The following RBBP4 variants were observed in gnomAD, a reference collection of about 807,000 sequenced individuals.
RBBP4 encodes the protein RB binding protein 4, chromatin remodeling factor.
Under a neutral mutation model 57.2 loss-of-function variants are expected in RBBP4, and 3 were observed. The observed-to-expected ratio is 0.05, with a 90% CI of 0.02 to 0.14. RBBP4 has a LOEUF of 0.14. Among genes scored for constraint, RBBP4 ranks in the 10% least tolerant of loss-of-function variants. The pLI, the probability that RBBP4 is intolerant of heterozygous loss-of-function variation, is 1.00. For missense variants in RBBP4, 107 were observed against 520.6 expected, an observed-to-expected ratio of 0.21 and a Z score of 7.73; for synonymous variants, 151 against 171.5, an observed-to-expected ratio of 0.88 and a Z score of 0.93.
intron 11 of RBBP4, among the ~76,000 whole-genome samples, chr1:32,679,078 C>A (rs1049200072): frequency 6.6e-6 from 1 of 152,128 alleles, no homozygotes; most frequent in Non-Finnish European, 1.5e-5. Flanking sequence ...GGGCAGATCA[C>A]CTGAGATCAG....
intron 3 of RBBP4, among the ~76,000 whole-genome samples, chr1:32,659,827 A>C (rs1570842229): frequency 6.6e-6 from 1 of 152,154 alleles, no homozygotes; most frequent in Admixed American, 6.5e-5. Flanking sequence ...ATAATTAACT[A>C]TTCCTTACTG....
intron 2 of RBBP4, chr1:32,652,351 A>T (rs1647810859): frequency 3.6e-6 from 1 of 277,428 alleles, no homozygotes; most frequent in Middle Eastern, 1.2e-3. Flanking sequence ...AAAACTTGTC[A>T]ACTTTCAAAA....
intron 2 of RBBP4, among the ~76,000 whole-genome samples, chr1:32,655,488 T>C (rs1398217241): frequency 6.6e-6 from 1 of 152,198 alleles, no homozygotes; most frequent in Non-Finnish European, 1.5e-5. Flanking sequence ...GTAATTCCAA[T>C]TTTCTGTTCA....
At chr1:32,656,021 T>C (rs763725270) in intron 2 of RBBP4, among the ~76,000 whole-genome samples, 3 of 152,214 alleles carry the variant, frequency 2.0e-5, no homozygotes, top group Non-Finnish European at 4.4e-5. Flanking sequence ...TGACCCAGTA[T>C]GGAGTACAGA....
chr1:32,666,139 T>C (rs1240213398), intron 3 of RBBP4, among the ~76,000 whole-genome samples: 2 of 152,176 alleles, frequency 1.3e-5, no homozygotes, highest in Non-Finnish European at 2.9e-5. Flanking sequence ...AACTGGCTGC[T>C]GTGGCTCTGT....
Position 32,681,999 on chromosome 1 carries a change from C to A in RBBP4, c.*2294C>A. ...TCCCCTAGCAAATATTTGGATGCCT[C>A]CTGTTTGTCAAATAGAATGAATGGT... On this transcript the variant is annotated 3_prime_UTR_variant, in exon 12 of 12. Coordinates refer to ENST00000373493, the MANE Select transcript of RBBP4 (RefSeq NM_005610.3). The A allele has an allele frequency of 1.4e-6, 1 of 712,010 alleles. No homozygotes were observed. Among genetic ancestry groups the A allele is most frequent in the Non-Finnish European group, 2.4e-6 (1 of 413,458 alleles). The allele number at this position is 712,010 out of a possible 1,614,324, so 44.1% of individuals were successfully genotyped here.
chr1:32,680,357 GTTTTTTTTT>G lies in RBBP4; in HGVS notation c.*663_*671del. On this transcript the variant is annotated 3_prime_UTR_variant, in exon 12 of 12. Coordinates refer to ENST00000373493, the MANE Select transcript of RBBP4 (RefSeq NM_005610.3). ...AATGGTGTTTTTTTTTTTGTTGTTG[GTTTTTTTTT>G]TTTTTTTTTTAACTTGGGACCACCA... 1.0e-6 allele frequency: 1 copy of G among 988,194 alleles called. No individual in the cohort carries two copies. 61.2% of individuals were successfully genotyped at this position (988,194 alleles called of 1,614,324 possible).
chr1:32,655,730 CTGT>C (rs1256292046), intron 2 of RBBP4, among the ~76,000 whole-genome samples: 1 of 152,154 alleles, frequency 6.6e-6, no homozygotes, highest in African/African-American at 2.4e-5. Context: ...ACTTTCTCTC[CTGT>C]TGTTCCTATT....
At position 32,669,594 on chromosome 1, in the gene RBBP4, G is replaced by A; in HGVS notation, c.966+31G>A. ...AGAAACTAATGCTACTATTTTGTTTGTTTTAAGAAAAACCTGCTGGGCGCG... is the reference window on the plus strand; with the variant it reads ...AGAAACTAATGCTACTATTTTGTTTATTTTAAGAAAAACCTGCTGGGCGCG... On this transcript the variant is annotated intron_variant, in intron 8 of 11. Coordinates refer to ENST00000373493, the MANE Select transcript of RBBP4 (RefSeq NM_005610.3). This position sits in a 1 kb window ranked among gnomAD's most constrained non-coding sequence, Gnocchi z 4.9. 6.3e-7 allele frequency: 1 copy of A among 1,579,384 alleles called. No individual in the cohort carries two copies.
At chr1:32,658,172 A>G (rs1443965229) in intron 3 of RBBP4, among the ~76,000 whole-genome samples, 2 of 152,034 alleles carry the variant, frequency 1.3e-5, no homozygotes, top group East Asian at 3.9e-4. Flanking sequence ...TACATTCTTA[A>G]CACGGGAGAT....
intron 3 of RBBP4, among the ~76,000 whole-genome samples, chr1:32,664,309 A>G (rs113027475): frequency 4.6e-5 from 7 of 152,196 alleles, no homozygotes; most frequent in African/African-American, 1.7e-4. Context: ...ATGGTTTAGG[A>G]GGCCTACGTT....
intron 3 of RBBP4, among the ~76,000 whole-genome samples, chr1:32,660,600 T>TTC (rs1028228953): frequency 2.0e-5 from 3 of 150,988 alleles, no homozygotes; most frequent in Non-Finnish European, 4.4e-5. Context: ...TTTTTTTTTT[T>TTC]TTAAGAGATG....
Position 32,657,271 on chromosome 1 carries a change from A to G in RBBP4, c.165-156A>G, listed in dbSNP as rs913949859. Reference sequence around the variant, plus strand: ...AGCCTGGGCGAAAGAGTGAGACTCTATTTATAAAAAAAGAAAGAAAGAAAA... The same window carrying G: ...AGCCTGGGCGAAAGAGTGAGACTCTGTTTATAAAAAAAGAAAGAAAGAAAA... On this transcript the variant is annotated intron_variant, in intron 2 of 11. Transcript: ENST00000373493. Among the ~76,000 whole-genome samples the G allele has an allele frequency of 2.6e-5, 4 of 152,236 alleles. No individual in the cohort carries two copies. In the South Asian group the frequency reaches 6.2e-4, roughly 24 times the overall value.
intron 3 of RBBP4, among the ~76,000 whole-genome samples, chr1:32,659,332 C>T (rs961787848): frequency 2.0e-5 from 3 of 151,424 alleles, no homozygotes; most frequent in African/African-American, 7.3e-5. Context: ...AGGCTGAGAC[C>T]AGTGGATCAC....
rs11551266 is a variant in RBBP4, at chr1:32,669,264, A to G, written c.795A>G (p.Pro265=). ...WDTRSNNTSK[P]SHSVDAHTAE... is the part of the protein sequence containing the mutation. ...CTCGTTCAAACAATACTTCCAAACC[A>G]AGCCACTCAGTTGATGCTCACACTG... Residue 265 remains proline, a synonymous_variant, in exon 7 of 12, where the codon CCA becomes CCG. Coordinates refer to ENST00000373493, the MANE Select transcript of RBBP4 (RefSeq NM_005610.3). This position sits in a 1 kb window ranked among gnomAD's most constrained non-coding sequence, Gnocchi z 4.9. The G allele has an allele frequency of 6.2e-7, 1 of 1,612,718 alleles. No individual in the cohort carries two copies. Among genetic ancestry groups the G allele is most frequent in the Non-Finnish European group, 8.5e-7 (1 of 1,180,002 alleles).
chr1:32,657,542 G>A lies in RBBP4; in HGVS notation c.280G>A (p.Asp94Asn). ...GCTCCCTAATGATGATGCTCAGTTT[G>A]ATGCGTCACACTACGACAGTGAGAA... ...VQLPNDDAQF[D>N]ASHYDSEKGE... The change falls in exon 3 of 12, where the codon GAT (aspartate) becomes AAT (asparagine). Residue 94 changes from aspartate (D) to asparagine (N), a missense_variant. By Grantham distance (23) the Asp-to-Asn change is conservative. Transcript: ENST00000373493. The A allele has an allele frequency of 6.2e-7, 1 of 1,614,078 alleles. No homozygotes were observed. Among genetic ancestry groups the A allele is most frequent in the Non-Finnish European group, 8.5e-7 (1 of 1,180,008 alleles).
Position 32,679,759 on chromosome 1 carries a change from A to G in RBBP4, c.*54A>G. On this transcript the variant is annotated 3_prime_UTR_variant, in exon 12 of 12. Transcript: ENST00000373493. ...CTCCCCTTTTTTCTTCTCAACCCTG[A>G]GAGTGATTTAACACTGGTTTTGAGA... 1 of 1,607,948 alleles carries G rather than the reference A, an allele frequency of 6.2e-7. No individual in the cohort carries two copies. Among genetic ancestry groups the G allele is most frequent in the Non-Finnish European group, 8.5e-7 (1 of 1,177,604 alleles).
intron 3 of RBBP4, among the ~76,000 whole-genome samples, chr1:32,659,983 T>A (rs1281141774): frequency 6.6e-6 from 1 of 152,218 alleles, no homozygotes; most frequent in East Asian, 1.9e-4. Context: ...GAAAAAGATT[T>A]GAAGTCCCAC....
Position 32,683,290 on chromosome 1 carries a change from A to G in RBBP4, c.*3585A>G, listed in dbSNP as rs902817485. On this transcript the variant is annotated 3_prime_UTR_variant, in exon 12 of 12. Coordinates refer to ENST00000373493, the MANE Select transcript of RBBP4 (RefSeq NM_005610.3). ...AAAAAAAAAAAAAAAAAAAAAGAGTAAGTCTGTGTAACATGAACATCTCTG... is the reference window on the plus strand; with the variant it reads ...AAAAAAAAAAAAAAAAAAAAAGAGTGAGTCTGTGTAACATGAACATCTCTG... The G allele has an allele frequency of 1.3e-5, 2 of 149,026 alleles. No homozygotes were observed. Among genetic ancestry groups the G allele is most frequent in the African/African-American group, 2.5e-5 (1 of 40,692 alleles). 9.2% of individuals were successfully genotyped at this position (149,026 alleles called of 1,614,324 possible). A position where few individuals can be genotyped will look rare whatever the true frequency, so the allele number is the denominator to read the frequency against.
Sources: allele counts gnomAD v4.1 joint callset (sites outside exome capture counted in the v4.1 genomes callset), GRCh38; gene constraint gnomAD v4.1.1; non-coding constraint Gnocchi (gnomAD v3.1); transcripts MANE v1.5; gene names NCBI Gene and HGNC (gene_info 2026-07-23, HGNC 2026-07-21).